SPAST: variants seen among roughly 807,000 people sequenced by gnomAD.
The protein encoded by SPAST is spastin.
In SPAST, 30 loss-of-function variants were observed where a neutral mutation model predicts 76.6. The ratio of observed to expected loss-of-function variants is 0.39; its 90% CI spans 0.29 to 0.53. The LOEUF is 0.53. Ranked by LOEUF, SPAST falls within the 20% of genes least tolerant of loss-of-function variation. The probability of loss-of-function intolerance (pLI) is 0.68; values close to 1 mark genes in which losing one functional copy is unlikely to be tolerated. For synonymous variants in SPAST, 305 were observed against 281.0 expected, an observed-to-expected ratio of 1.09 and a Z score of -0.86; for missense variants, 717 against 770.5, an observed-to-expected ratio of 0.93 and a Z score of 0.82.
intron 13 of SPAST, among the ~76,000 whole-genome samples, chr2:32,142,454 G>A (rs1343600379): frequency 6.6e-6 from 1 of 151,910 alleles, no homozygotes; most frequent in Admixed American, 6.6e-5. Flanking sequence ...TTGCTCTGTC[G>A]CTCAGGCTGG....
intron 9 of SPAST, among the ~76,000 whole-genome samples, chr2:32,131,862 A>G (rs915583808): frequency 6.6e-6 from 1 of 151,680 alleles, no homozygotes; most frequent in Admixed American, 6.6e-5. Context: ...GGGTTTCACC[A>G]TGTTGGCCAG....
Position 32,089,529 on chromosome 2 carries a change from G to T in SPAST, c.510G>T (p.Gln170His). ...IAVIVTGQGEQCERARRLQAK... is the reference protein window; with the variant it reads ...IAVIVTGQGEHCERARRLQAK... Reference sequence around the variant, plus strand: ...TTAATTTTTTTCTTTCAGGTGAACAGTGTGAAAGAGCTAGACGCCTTCAAG... The same window carrying T: ...TTAATTTTTTTCTTTCAGGTGAACATTGTGAAAGAGCTAGACGCCTTCAAG... The change falls in exon 3 of 17, where the codon CAG becomes CAT. Residue 170 changes from glutamine to histidine, a missense_variant. Physicochemically the swap from Gln to His is conservative, Grantham distance 24 (BLOSUM62 0). Coordinates refer to ENST00000315285, the MANE Select transcript of SPAST (RefSeq NM_014946.4). 1 of 1,578,482 alleles carries T rather than the reference G, an allele frequency of 6.3e-7. No homozygotes were observed.
At chr2:32,116,317 A>G (rs181718638) in intron 7 of SPAST, 105 bp downstream of exon 7, 3 of 747,420 alleles carry the variant, frequency 4.0e-6, no homozygotes, top group African/African-American at 3.5e-5. Context: ...TAATTAATTC[A>G]TATAAGGTAA....
intron 9 of SPAST, chr2:32,129,113 T>C (rs549201677): frequency 6.5e-6 from 1 of 152,744 alleles, no homozygotes; most frequent in African/African-American, 2.4e-5. Flanking sequence ...ATACTATCAC[T>C]TTCCACTTAA....
At chr2:32,110,571 GTATA>G (rs199985948) in intron 4 of SPAST, among the ~76,000 whole-genome samples, 1,808 of 89,228 alleles carry the variant, frequency 0.02, 19 homozygotes, top group South Asian at 0.042. Flanking sequence ...TGTATATATA[GTATA>G]TATATAGTGT....
At chr2:32,109,033 A>G (rs1678432110) in intron 4 of SPAST, among the ~76,000 whole-genome samples, 1 of 151,838 alleles carries the variant, frequency 6.6e-6, no homozygotes, top group Non-Finnish European at 1.5e-5. Flanking sequence ...CAGTGCTGGC[A>G]TTACAGGCCT....
chr2:32,081,781 C>CAAAAAAAAA (rs34078147), intron 1 of SPAST, among the ~76,000 whole-genome samples: 1,166 of 44,334 alleles, frequency 0.026, 105 homozygotes, highest in African/African-American at 0.034. Flanking sequence ...GAGACACTGT[C>CAAAAAAAAA]AAAAAAAAAA....
At position 32,147,235 on chromosome 2, in the gene SPAST, G is replaced by A. The variant is rs1237484416; in HGVS notation, c.1705G>A (p.Val569Met). 6.2e-7 allele frequency: 1 copy of A among 1,607,898 alleles called. No individual in the cohort carries two copies. The highest frequency in any genetic ancestry group is 8.5e-7 in the Non-Finnish European group (1 of 1,175,030). Reference sequence around the variant, plus strand: ...TTTTACAGAACTAAAACCAGAACAGGTGAAGAATATGTCTGCCAGTGAGGT... The same window carrying A: ...TTTTACAGAACTAAAACCAGAACAGATGAAGAATATGTCTGCCAGTGAGGT... Reference protein sequence around the residue: ...GPIRELKPEQVKNMSASEMRN... With the variant: ...GPIRELKPEQMKNMSASEMRN... Residue 569 changes from valine to methionine, a missense_variant, in exon 16 of 17, where the codon GTG becomes ATG. Transcript: ENST00000315285.
chr2:32,145,018 A>T lies in SPAST; in HGVS notation c.1687+11A>T. 1 of 1,596,124 alleles carries T rather than the reference A, an allele frequency of 6.3e-7. No homozygotes were observed. The highest frequency in any genetic ancestry group is 8.6e-7 in the Non-Finnish European group (1 of 1,164,882). On this transcript the variant is annotated intron_variant, in intron 15 of 16. Coordinates refer to ENST00000315285, the MANE Select transcript of SPAST (RefSeq NM_014946.4). ...TGGGTCCTATCCGAGGTAGGTATAC[A>T]AGAGCTTAAAACATTTAGAACTATT...
At chr2:32,086,724 C>T (rs1677492009) in intron 1 of SPAST, among the ~76,000 whole-genome samples, 3 of 151,522 alleles carry the variant, frequency 2.0e-5, no homozygotes, top group South Asian at 4.2e-4. Flanking sequence ...CACCACTGCA[C>T]TCCAGCCTAG....
At chr2:32,090,661 G>A (rs563154085) in intron 3 of SPAST, among the ~76,000 whole-genome samples, 6 of 152,138 alleles carry the variant, frequency 3.9e-5, no homozygotes, top group Non-Finnish European at 7.4e-5. Flanking sequence ...CTCTTTTAAT[G>A]TACAGGTTCA....
At position 32,118,220 on chromosome 2, in the gene SPAST, C is replaced by G. The variant is rs942864893; in HGVS notation, c.1098+2008C>G. Among the ~76,000 whole-genome samples the G allele has an allele frequency of 1.3e-5, 2 of 152,136 alleles. 1 individual carries two copies. Among genetic ancestry groups the G allele is most frequent in the South Asian group, 4.1e-4 (2 of 4,822 alleles). The stretch of plus-strand genomic sequence containing the variant: ...ATGTGCAAAGGTTTTATGGCTGTCT[C>G]AATTTTTCCATAGTCTTGAGTCATT... On this transcript the variant is annotated intron_variant, in intron 7 of 16. Coordinates refer to ENST00000315285, the MANE Select transcript of SPAST (RefSeq NM_014946.4).
At chr2:32,066,994 C>CAAA (rs1553395256) in intron 1 of SPAST, among the ~76,000 whole-genome samples, 3 of 47,118 alleles carry the variant, frequency 6.4e-5, no homozygotes, top group South Asian at 1.0e-3. Context: ...AAAAAAAAAC[C>CAAA]AAAAAAAAAA....
chr2:32,111,842 C>T (rs1037894937), intron 4 of SPAST, among the ~76,000 whole-genome samples: 1 of 151,420 alleles, frequency 6.6e-6, no homozygotes, highest in Non-Finnish European at 1.5e-5. Flanking sequence ...ACATTTGTTA[C>T]TTCTGATAGA....
At chr2:32,118,202 A>C (rs1040414949) in intron 7 of SPAST, among the ~76,000 whole-genome samples, 1 of 152,134 alleles carries the variant, frequency 6.6e-6, no homozygotes. Context: ...TAAATGTGCA[A>C]AGGTTTTATG....
At position 32,117,954 on chromosome 2, in the gene SPAST, T is replaced by C. The variant is rs755749874; in HGVS notation, c.1098+1742T>C. 5.9e-4 allele frequency among the ~76,000 whole-genome samples: 90 copies of C among 152,200 alleles called. 2 individuals are homozygous for C. The highest frequency in any genetic ancestry group is 3.2e-3 in the Middle Eastern group (1 of 316). On this transcript the variant is annotated intron_variant, in intron 7 of 16. Coordinates refer to ENST00000315285, the MANE Select transcript of SPAST (RefSeq NM_014946.4). ...ATATTTTATGACTTATTAAGGAAGA[T>C]AGGCAATCTTGCAGTTGATAATAAA...
At chr2:32,142,640 C>T (rs1679756599) in intron 13 of SPAST, among the ~76,000 whole-genome samples, 2 of 152,036 alleles carry the variant, frequency 1.3e-5, no homozygotes. Flanking sequence ...GTGTGATCCG[C>T]CCTCCTCAGC....
intron 3 of SPAST, among the ~76,000 whole-genome samples, chr2:32,096,601 TTC>T (rs1360684123): frequency 6.6e-6 from 1 of 152,198 alleles, no homozygotes; most frequent in Non-Finnish European, 1.5e-5. Context: ...TAAATCTGAA[TTC>T]TGTGTACACG....
intron 1 of SPAST, among the ~76,000 whole-genome samples, chr2:32,082,609 T>G (rs1414477727): frequency 1.3e-5 from 2 of 151,968 alleles, no homozygotes; most frequent in African/African-American, 2.4e-5. Context: ...GGCAGAAGAA[T>G]TGCTTGAACC....
Sources: gnomAD v4.1 joint callset for allele counts (sites outside exome capture counted in the v4.1 genomes callset) on GRCh38, gnomAD v4.1.1 for gene constraint, MANE v1.5 for transcripts, NCBI Gene and HGNC (gene_info 2026-07-23, HGNC 2026-07-21) for gene names.